The following SETBP1 variants were observed in gnomAD, a reference collection of about 807,000 sequenced individuals.
SETBP1 encodes SET-binding protein.
SETBP1 carries 9 observed loss-of-function variants against 101.0 expected under a neutral mutation model. That is an observed-to-expected ratio of 0.09 (90% CI 0.05 to 0.16). SETBP1 has a LOEUF of 0.16. Among genes scored for constraint, SETBP1 ranks in the 10% least tolerant of loss-of-function variants. The pLI, the probability that SETBP1 is intolerant of heterozygous loss-of-function variation, is 1.00. For synonymous variants in SETBP1, 818 were observed against 788.5 expected (o/e 1.04, Z -0.63); for missense variants, 1,858 against 2,033.8 (o/e 0.91, Z 1.66).
intron 2 of SETBP1, among the ~76,000 whole-genome samples, chr18:44,744,769 T>TAA (rs111386284): frequency 0.046 from 6,111 of 132,468 alleles, 182 homozygotes; most frequent in South Asian, 0.12. Context: ...ACCCTCCTCT[T>TAA]AAAAAAAAAA....
chr18:44,929,313 T>C (rs908384056), intron 3 of SETBP1, among the ~76,000 whole-genome samples: 2 of 152,240 alleles, frequency 1.3e-5, no homozygotes, highest in East Asian at 3.8e-4. Context: ...TTGGTAGCAG[T>C]ACCATGCTGT....
chr18:44,797,944 G>A (rs2071518279), intron 2 of SETBP1, among the ~76,000 whole-genome samples: 2 of 152,160 alleles, frequency 1.3e-5, no homozygotes, highest in South Asian at 4.1e-4. Context: ...CTTGGCAGGT[G>A]GATTCATGTT....
chr18:44,833,864 A>G (rs962293356), intron 2 of SETBP1, among the ~76,000 whole-genome samples: 1 of 152,204 alleles, frequency 6.6e-6, no homozygotes, highest in Non-Finnish European at 1.5e-5. Context: ...TTCTTGGACA[A>G]TGTATGTTCT....
intron 2 of SETBP1, among the ~76,000 whole-genome samples, chr18:44,744,777 A>C (rs571967469): frequency 1.6e-4 from 21 of 128,416 alleles, no homozygotes; most frequent in African/African-American, 5.1e-4. Flanking sequence ...CTTAAAAAAA[A>C]AAAAACAAAA....
intron 2 of SETBP1, among the ~76,000 whole-genome samples, chr18:44,818,774 C>T (rs1207293658): frequency 1.3e-5 from 2 of 151,468 alleles, no homozygotes; most frequent in Admixed American, 1.3e-4. Context: ...CACACACACA[C>T]ACACACTCCT....
chr18:44,883,782 C>T (rs2144748653), intron 3 of SETBP1, among the ~76,000 whole-genome samples: 1 of 151,668 alleles, frequency 6.6e-6, no homozygotes, highest in East Asian at 1.9e-4. Flanking sequence ...ATTTTTTTTT[C>T]CAAAAATTCT....
At chr18:44,956,481 G>C (rs1005904281) in intron 4 of SETBP1, among the ~76,000 whole-genome samples, 4 of 151,912 alleles carry the variant, frequency 2.6e-5, no homozygotes, top group Non-Finnish European at 5.9e-5. Context: ...GGATGGTTCT[G>C]AGGGTCATGA....
At chr18:45,008,881 A>C (rs974874191) in intron 4 of SETBP1, among the ~76,000 whole-genome samples, 2 of 152,140 alleles carry the variant, frequency 1.3e-5, no homozygotes, top group African/African-American at 4.8e-5. Context: ...GAAGCTGATG[A>C]GTGTTTAGGA....
chr18:44,688,386 A>G (rs1030370631), intron 1 of SETBP1, among the ~76,000 whole-genome samples: 2 of 152,154 alleles, frequency 1.3e-5, no homozygotes, highest in African/African-American at 4.8e-5. Context: ...ATGTGCTTGT[A>G]GCAGACTAAT....
intron 4 of SETBP1, among the ~76,000 whole-genome samples, chr18:45,009,149 G>A (rs1023193354): frequency 2.6e-5 from 4 of 152,062 alleles, no homozygotes; most frequent in Non-Finnish European, 4.4e-5. Flanking sequence ...ACAGGGCACC[G>A]GAAGGAGTTT....
chr18:44,688,261 T>C (rs1357590943), intron 1 of SETBP1, among the ~76,000 whole-genome samples: 1 of 152,182 alleles, frequency 6.6e-6, no homozygotes, highest in Non-Finnish European at 1.5e-5. Context: ...TTCAGTTCTG[T>C]CAGTGGAAAG....
At chr18:44,818,852 A>G (rs2072041922) in intron 2 of SETBP1, among the ~76,000 whole-genome samples, 1 of 151,964 alleles carries the variant, frequency 6.6e-6, no homozygotes, top group Non-Finnish European at 1.5e-5. Flanking sequence ...CTGTGAAAAC[A>G]TGCTACCATA....
intron 4 of SETBP1, among the ~76,000 whole-genome samples, chr18:45,004,279 C>T (rs750901187): frequency 7.9e-5 from 12 of 152,184 alleles, no homozygotes; most frequent in Admixed American, 7.9e-4. Context: ...GCCATAAAAA[C>T]GGAATACTCC....
intron 2 of SETBP1, among the ~76,000 whole-genome samples, chr18:44,730,656 A>T (rs1401655785): frequency 6.6e-6 from 1 of 152,200 alleles, no homozygotes; most frequent in Non-Finnish European, 1.5e-5. Context: ...TCAGACCCTC[A>T]GCAGATCCTT....
At chr18:45,004,267 A>G (rs1401138835) in intron 4 of SETBP1, among the ~76,000 whole-genome samples, 1 of 152,220 alleles carries the variant, frequency 6.6e-6, no homozygotes, top group Non-Finnish European at 1.5e-5. Flanking sequence ...TCTTCCATTC[A>G]TGCCATAAAA....
chr18:44,883,017 G>A (rs74509249), intron 3 of SETBP1, among the ~76,000 whole-genome samples: 2 of 152,172 alleles, frequency 1.3e-5, no homozygotes, highest in African/African-American at 2.4e-5. Flanking sequence ...ATATGAAGCA[G>A]TGAATGGAGG....
intron 1 of SETBP1, among the ~76,000 whole-genome samples, chr18:44,695,102 G>A (rs530331355): frequency 6.6e-6 from 1 of 152,248 alleles, no homozygotes; most frequent in South Asian, 2.1e-4. Flanking sequence ...TGGTATTATG[G>A]AGAACAGATT....
At position 44,840,860 on chromosome 18, in the gene SETBP1, A is replaced by T. The variant is rs957528309; in HGVS notation, c.487-28370A>T. ...TCCCCATGCCCAGGGACTCACTTTC[A>T]ATTGGTCTGGAATAGGTCCTGAGTA... On this transcript the variant is annotated intron_variant, in intron 2 of 5. Coordinates refer to ENST00000649279, the MANE Select transcript of SETBP1 (RefSeq NM_015559.3). Among the ~76,000 whole-genome samples the T allele has an allele frequency of 1.3e-5, 2 of 152,336 alleles. 1 individual carries two copies. Among genetic ancestry groups the T allele is most frequent in the Admixed American group, 1.3e-4 (2 of 15,306 alleles).
At chr18:45,014,362 G>A (rs568667701) in intron 4 of SETBP1, among the ~76,000 whole-genome samples, 9 of 152,230 alleles carry the variant, frequency 5.9e-5, no homozygotes, top group Non-Finnish European at 1.3e-4. Flanking sequence ...CAAAGGAGGA[G>A]GAATCTGTGC....
Sources: gnomAD v4.1 joint callset for allele counts (sites outside exome capture counted in the v4.1 genomes callset) on GRCh38, gnomAD v4.1.1 for gene constraint, MANE v1.5 for transcripts, NCBI Gene and HGNC (gene_info 2026-07-23, HGNC 2026-07-21) for gene names.